The following WWC1 variants were observed in gnomAD, a reference collection of about 807,000 sequenced individuals.
WWC1 encodes the protein protein KIBRA.
WWC1 carries 55 observed loss-of-function variants against 138.4 expected under a neutral mutation model. The ratio of observed to expected loss-of-function variants is 0.40; its 90% CI spans 0.32 to 0.50. WWC1 has a LOEUF of 0.50. Ranked by LOEUF, WWC1 falls within the 20% of genes least tolerant of loss-of-function variation. WWC1 has a pLI of 0.72. For synonymous variants in WWC1, 524 were observed against 564.9 expected, an observed-to-expected ratio of 0.93 and a Z score of 1.03; for missense variants, 1,226 against 1,420.4, an observed-to-expected ratio of 0.86 and a Z score of 2.20.
chr5:168,315,357 G>T (rs1230588421), intron 1 of WWC1, among the ~76,000 whole-genome samples: 1 of 151,892 alleles, frequency 6.6e-6, no homozygotes, highest in Non-Finnish European at 1.5e-5. Flanking sequence ...CTACCCAGAT[G>T]ATTCTAATAC....
intron 2 of WWC1, among the ~76,000 whole-genome samples, chr5:168,380,165 G>C (rs895337484): frequency 6.6e-6 from 1 of 152,180 alleles, no homozygotes; most frequent in Non-Finnish European, 1.5e-5. Context: ...GTAAGAAGCA[G>C]CTGGCACAGT....
intron 21 of WWC1, among the ~76,000 whole-genome samples, chr5:168,465,792 A>G (rs1010032655): frequency 6.6e-6 from 1 of 152,074 alleles, no homozygotes; most frequent in Non-Finnish European, 1.5e-5. Context: ...TCCTGGGCTC[A>G]AACATTCAAC....
chr5:168,301,872 A>G (rs1049830725), intron 1 of WWC1, among the ~76,000 whole-genome samples: 2 of 151,906 alleles, frequency 1.3e-5, no homozygotes, highest in Non-Finnish European at 2.9e-5. Flanking sequence ...TTCCTTGCCA[A>G]CTCAGGTCTC....
intron 20 of WWC1, among the ~76,000 whole-genome samples, chr5:168,461,183 G>A (rs1756774860): frequency 6.6e-6 from 1 of 152,142 alleles, no homozygotes; most frequent in Admixed American, 6.5e-5. Flanking sequence ...ACAAAAATTA[G>A]CCGGGCGTGG....
chr5:168,387,794 A>G (rs948128092), intron 3 of WWC1, among the ~76,000 whole-genome samples: 2 of 152,122 alleles, frequency 1.3e-5, no homozygotes, highest in African/African-American at 2.4e-5. Flanking sequence ...ACATCAATGT[A>G]TTATATTTAT....
chr5:168,457,276 C>T (rs1347828768), intron 19 of WWC1, among the ~76,000 whole-genome samples: 2 of 151,194 alleles, frequency 1.3e-5, no homozygotes, highest in Non-Finnish European at 2.9e-5. Context: ...AAGAGTACAA[C>T]ATTGTGAAAA....
intron 1 of WWC1, among the ~76,000 whole-genome samples, chr5:168,338,863 A>G (rs773836591): frequency 6.6e-6 from 1 of 152,192 alleles, no homozygotes; most frequent in Non-Finnish European, 1.5e-5. Context: ...TTGTTAAAGG[A>G]TACAAAATTA....
At chr5:168,427,935 TG>T in intron 11 of WWC1, 97 bp from the exon 12 acceptor site, 1 of 962,236 alleles carries the variant, frequency 1.0e-6, no homozygotes, top group Non-Finnish European at 1.6e-6. Flanking sequence ...CACTCCAGCC[TG>T]GATGAGTGAG....
chr5:168,395,590 C>G (rs1005497282), intron 3 of WWC1, among the ~76,000 whole-genome samples: 1 of 152,154 alleles, frequency 6.6e-6, no homozygotes, highest in South Asian at 2.1e-4. Context: ...CCAGGTCTAT[C>G]CCTGAAATCC....
Position 168,428,796 on chromosome 5 carries a change from C to T in WWC1, c.2000+9C>T, listed in dbSNP as rs1432701526. ...ATTCAGATTGCCCTGAAGTAAGTGA[C>T]GAGGACGAGGAGGACAGAAGGAACG... On this transcript the variant is annotated intron_variant, in intron 13 of 22. Coordinates refer to ENST00000265293, the MANE Select transcript of WWC1 (RefSeq NM_015238.3). 1.7e-5 allele frequency: 28 copies of T among 1,613,270 alleles called. No homozygotes were observed. Among genetic ancestry groups the T allele is most frequent in the Middle Eastern group, 1.6e-4 (1 of 6,080 alleles).
rs1781934229 is a variant in WWC1 at position 168,431,463 on chromosome 5, TGGC to T, written c.2280+20_2280+22del. The T allele has an allele frequency of 6.4e-5, 20 of 310,858 alleles. No homozygotes were observed. The East Asian group carries it at 6.0e-3, about 93-fold the overall frequency. 19.3% of individuals were successfully genotyped at this position (310,858 alleles called of 1,614,324 possible). A position where few individuals can be genotyped will look rare whatever the true frequency, so the allele number is the denominator to read the frequency against. ...GTGCCTGGTAAGGGCCGTGTCTGGC[TGGC>T]TGGCTGGCTGGCTGGCTGGCTGGCT... On this transcript the variant is annotated intron_variant, in intron 15 of 22. Transcript: ENST00000265293.
At chr5:168,344,064 C>T (rs1027427299) in intron 1 of WWC1, among the ~76,000 whole-genome samples, 8 of 152,166 alleles carry the variant, frequency 5.3e-5, no homozygotes, top group African/African-American at 1.9e-4. Flanking sequence ...CTTGCAAGGC[C>T]TATCCATTCT....
chr5:168,383,537 G>T (rs149985713), intron 2 of WWC1, among the ~76,000 whole-genome samples: 36 of 152,324 alleles, frequency 2.4e-4, no homozygotes, highest in African/African-American at 8.2e-4. Flanking sequence ...AAACTCCAGT[G>T]TTCCCCGGGC....
intron 7 of WWC1, among the ~76,000 whole-genome samples, chr5:168,409,123 T>G (rs1381183375): frequency 6.6e-6 from 1 of 152,214 alleles, no homozygotes; most frequent in Non-Finnish European, 1.5e-5. Flanking sequence ...GTCCTAGTTA[T>G]GAATAGTGAA....
intron 16 of WWC1, among the ~76,000 whole-genome samples, chr5:168,443,080 G>C (rs1375096230): frequency 6.7e-6 from 1 of 150,218 alleles, no homozygotes; most frequent in Admixed American, 6.6e-5. Flanking sequence ...CATCAAAAAA[G>C]TTAAATAGAG....
intron 12 of WWC1, 87 bp downstream of exon 12, chr5:168,428,228 GT>G: frequency 2.9e-6 from 4 of 1,378,012 alleles, no homozygotes; most frequent in Non-Finnish European, 4.0e-6. Context: ...AGAGGCTTAG[GT>G]TTTGGCCCCC....
At chr5:168,437,396 T>C (rs1198258334) in intron 15 of WWC1, among the ~76,000 whole-genome samples, 2 of 152,252 alleles carry the variant, frequency 1.3e-5, no homozygotes, top group Non-Finnish European at 2.9e-5. Context: ...TGACAGGTTA[T>C]AGTTTCATTG....
intron 1 of WWC1, among the ~76,000 whole-genome samples, chr5:168,317,484 T>C (rs1162089616): frequency 6.6e-6 from 1 of 152,024 alleles, no homozygotes; most frequent in Non-Finnish European, 1.5e-5. Context: ...GGCAGGATGG[T>C]AGTGGGGTGC....
At chr5:168,444,919 T>G (rs1755110069) in intron 17 of WWC1, among the ~76,000 whole-genome samples, 1 of 151,728 alleles carries the variant, frequency 6.6e-6, no homozygotes, top group South Asian at 2.1e-4. Flanking sequence ...ATTTGTGTAG[T>G]TTGCCATAAA....
Sources: gnomAD v4.1 joint callset for allele counts (sites outside exome capture counted in the v4.1 genomes callset) on GRCh38, gnomAD v4.1.1 for gene constraint, MANE v1.5 for transcripts, NCBI Gene and HGNC (gene_info 2026-07-23, HGNC 2026-07-21) for gene names.